RSF1: variants seen among roughly 807,000 people sequenced by gnomAD.
RSF1 encodes the protein remodeling and spacing factor 1, also known as HBV pX-associated protein 8.
RSF1 carries 13 observed loss-of-function variants against 145.2 expected under a neutral mutation model. That is an observed-to-expected ratio of 0.09 (90% CI 0.06 to 0.14). RSF1 has a LOEUF of 0.14. RSF1 is among the 10% of genes least tolerant of loss of function. The pLI is 1.00. For missense variants in RSF1, 1,517 were observed against 1,718.2 expected, an observed-to-expected ratio of 0.88 and a Z score of 2.07; for synonymous variants, 577 against 592.6, an observed-to-expected ratio of 0.97 and a Z score of 0.38.
At chr11:77,861,873 G>A in the RSF1 span, among the ~76,000 whole-genome samples, 1 of 152,080 alleles carries the variant, frequency 6.6e-6, no homozygotes, top group Admixed American at 6.6e-5. Flanking sequence ...GTTCAACAGG[G>A]TTTCTAAGTT....
At chr11:77,754,047 C>T (rs1948091129) in intron 2 of RSF1, among the ~76,000 whole-genome samples, 1 of 152,204 alleles carries the variant, frequency 6.6e-6, no homozygotes, top group South Asian at 2.1e-4. Flanking sequence ...AATTATGACT[C>T]TGGTCTTCCC....
intron 1 of RSF1, among the ~76,000 whole-genome samples, chr11:77,784,702 C>T (rs1948437355): frequency 6.6e-6 from 1 of 152,072 alleles, no homozygotes; most frequent in Non-Finnish European, 1.5e-5. Flanking sequence ...CTTTTTAAGG[C>T]CTTTTCTGTC....
intron 14 of RSF1, among the ~76,000 whole-genome samples, chr11:77,672,924 C>T (rs1423826914): frequency 1.3e-5 from 2 of 152,308 alleles, no homozygotes; most frequent in East Asian, 1.9e-4. Flanking sequence ...CTCAAGTGAT[C>T]CGCCTGCCTC....
intron 1 of RSF1, among the ~76,000 whole-genome samples, chr11:77,807,838 T>C (rs1948692095): frequency 3.9e-5 from 6 of 152,108 alleles, no homozygotes; most frequent in Admixed American, 2.6e-4. Flanking sequence ...TCATAAGGGC[T>C]GAAAAACACT....
At chr11:77,740,225 A>G (rs1961474876) in intron 4 of RSF1, among the ~76,000 whole-genome samples, 2 of 152,174 alleles carry the variant, frequency 1.3e-5, no homozygotes, top group African/African-American at 4.8e-5. Context: ...AAAATACAAA[A>G]TTAGCTGGGC....
chr11:77,712,209 C>T (rs1279917976), intron 5 of RSF1, among the ~76,000 whole-genome samples: 1 of 152,148 alleles, frequency 6.6e-6, no homozygotes, highest in African/African-American at 2.4e-5. Flanking sequence ...GGTGGTTCCC[C>T]CATACTGTTC....
intron 4 of RSF1, among the ~76,000 whole-genome samples, chr11:77,727,580 G>A (rs536508776): frequency 6.7e-6 from 1 of 148,210 alleles, no homozygotes; most frequent in Non-Finnish European, 1.5e-5. Flanking sequence ...GGGTTCAAGC[G>A]ATTTTCCTGC....
At chr11:77,782,848 T>C (rs1450705441) in intron 1 of RSF1, among the ~76,000 whole-genome samples, 1 of 152,206 alleles carries the variant, frequency 6.6e-6, no homozygotes, top group African/African-American at 2.4e-5. Context: ...AATTAAAATA[T>C]TCTTTAATGT....
At chr11:77,804,704 G>A (rs1202889662) in intron 1 of RSF1, among the ~76,000 whole-genome samples, 5 of 152,094 alleles carry the variant, frequency 3.3e-5, no homozygotes, top group Non-Finnish European at 1.5e-5. Context: ...ATGGTGACAC[G>A]TTCCTGTGGT....
the RSF1 span, chr11:77,840,933 G>C: frequency 2.3e-6 from 1 of 429,956 alleles, no homozygotes; most frequent in Non-Finnish European, 4.2e-6. Context: ...TCCATTTTGT[G>C]CTTAATCCAT....
intron 1 of RSF1, chr11:77,813,332 A>T: frequency 2.3e-6 from 2 of 861,254 alleles, no homozygotes; most frequent in South Asian, 2.6e-5. Flanking sequence ...AGCATCTGCA[A>T]TGGTGACTTT....
intron 4 of RSF1, among the ~76,000 whole-genome samples, chr11:77,740,458 A>C (rs941394365): frequency 1.3e-5 from 2 of 152,242 alleles, no homozygotes; most frequent in African/African-American, 4.8e-5. Flanking sequence ...TTTTCTGTCC[A>C]TATTATTTAT....
At chr11:77,800,844 A>C (rs1948618701) in intron 1 of RSF1, among the ~76,000 whole-genome samples, 1 of 152,146 alleles carries the variant, frequency 6.6e-6, no homozygotes, top group Non-Finnish European at 1.5e-5. Context: ...CTTGGGCTAC[A>C]GTGAGACTCT....
At chr11:77,796,497 G>A (rs1305199297) in intron 1 of RSF1, among the ~76,000 whole-genome samples, 1 of 152,038 alleles carries the variant, frequency 6.6e-6, no homozygotes, top group African/African-American at 2.4e-5. Context: ...ACTAGATATC[G>A]ATGGAAACAT....
chr11:77,713,349 G>A (rs569255650), intron 5 of RSF1, among the ~76,000 whole-genome samples: 6 of 152,110 alleles, frequency 3.9e-5, no homozygotes, highest in African/African-American at 9.6e-5. Context: ...TTCTCCCCCC[G>A]AGAGTCTCTC....
chr11:77,757,793 G>A (rs958823606), intron 2 of RSF1, among the ~76,000 whole-genome samples: 3 of 152,204 alleles, frequency 2.0e-5, no homozygotes, highest in Admixed American at 6.5e-5. Context: ...ATAATTCAAA[G>A]GAAAGGTAAT....
chr11:77,703,077 T>C (rs1038691902), intron 5 of RSF1: 2 of 152,192 alleles, frequency 1.3e-5, no homozygotes, highest in Admixed American at 6.5e-5. Flanking sequence ...CATTGAAACA[T>C]TGGCACTTTC....
chr11:77,725,708 G>T lies in RSF1; in HGVS notation c.579-9C>A. Reference sequence around the variant, plus strand: ...CCAACTCGTTTCGATTTCTAAACAAGGAAAAAAATAAGACAGCATAAAAAC... The same window carrying T: ...CCAACTCGTTTCGATTTCTAAACAATGAAAAAAATAAGACAGCATAAAAAC... On this transcript the variant is annotated splice_polypyrimidine_tract_variant and intron_variant, in intron 4 of 15. Coordinates refer to ENST00000308488, the MANE Select transcript of RSF1 (RefSeq NM_016578.4). 6.4e-7 allele frequency: 1 copy of T among 1,553,204 alleles called. No homozygotes were observed. Among genetic ancestry groups the T allele is most frequent in the Non-Finnish European group, 8.7e-7 (1 of 1,151,162 alleles).
At position 77,756,375 on chromosome 11, in the gene RSF1, A is replaced by G. The variant is rs1948116499; in HGVS notation, c.279+8223T>C. Among the ~76,000 whole-genome samples, 3 of 152,040 alleles carry G rather than the reference A, an allele frequency of 2.0e-5. No individual in the cohort carries two copies. In the South Asian group the frequency reaches 6.2e-4, roughly 32 times the overall value. On this transcript the variant is annotated intron_variant, in intron 2 of 15. Coordinates refer to ENST00000308488, the MANE Select transcript of RSF1 (RefSeq NM_016578.4). ...CTCTGTCTCAAAAAAAAAAAAAAAA[A>G]AGAAAAACTTTTCAATTCTTACTAC...
Sources: gnomAD v4.1 joint callset for allele counts (sites outside exome capture counted in the v4.1 genomes callset) on GRCh38, gnomAD v4.1.1 for gene constraint, MANE v1.5 for transcripts, NCBI Gene and HGNC (gene_info 2026-07-23, HGNC 2026-07-21) for gene names.